Variants in ACTR3C observed in about 807,000 individuals in gnomAD.
ACTR3C encodes actin related protein 3C.
In ACTR3C, 18 loss-of-function variants were observed where a neutral mutation model predicts 26.3. The observed-to-expected ratio is 0.68, with a 90% CI of 0.47 to 1.01. ACTR3C has a LOEUF of 1.01. ACTR3C is among the 50% of genes least tolerant of loss of function. ACTR3C has a pLI of 0.00. For synonymous variants in ACTR3C, 55 were observed against 94.5 expected, an observed-to-expected ratio of 0.58 and a Z score of 2.42; for missense variants, 184 against 250.7, an observed-to-expected ratio of 0.73 and a Z score of 1.80.
intron 1 of ACTR3C, chr7:150,303,082 G>C (rs1229407087): frequency 6.6e-6 from 1 of 152,224 alleles, no homozygotes; most frequent in Non-Finnish European, 1.5e-5. Context: ...ACTGATCTAT[G>C]ATGGGAAATG....
At chr7:150,071,856 C>T in the ACTR3C span, among the ~76,000 whole-genome samples, 4 of 149,836 alleles carry the variant, frequency 2.7e-5, no homozygotes, top group Non-Finnish European at 6.0e-5. Flanking sequence ...TGGATGCAGA[C>T]GAGGGAGTTA....
In ACTR3C at chr7:150,286,451, A is replaced by G. The variant is rs767502283; in HGVS notation, c.387T>C (p.Gly129=). The G allele has an allele frequency of 1.4e-5, 22 of 1,613,066 alleles. No homozygotes were observed. Among genetic ancestry groups the G allele is most frequent in the Non-Finnish European group, 1.5e-5 (18 of 1,179,956 alleles). ...ACTTCTTCTGGTTGATCGCATTGATACCCGTGTACTGTTTGATCCACTTCT... is the reference window on the plus strand; with the variant it reads ...ACTTCTTCTGGTTGATCGCATTGATGCCCGTGTACTGTTTGATCCACTTCT... ...DPQKWIKQYT[G]INAINQKKFV... is the part of the protein sequence containing the mutation. Residue 129 remains glycine, a synonymous_variant, in exon 5 of 8, where the codon GGT becomes GGC. Transcript: ENST00000683684.
At chr7:150,049,119 C>T in the ACTR3C span, among the ~76,000 whole-genome samples, 79 of 152,046 alleles carry the variant, frequency 5.2e-4, no homozygotes, top group Non-Finnish European at 1.0e-3. Context: ...TCCTGCCCAG[C>T]CGCAGGAAGG....
chr7:150,050,561 G>C, the ACTR3C span, among the ~76,000 whole-genome samples: 1 of 152,152 alleles, frequency 6.6e-6, no homozygotes, highest in Non-Finnish European at 1.5e-5. Context: ...ATAAAAATTT[G>C]TGCTGGGAAG....
At chr7:150,112,878 C>T in the ACTR3C span, among the ~76,000 whole-genome samples, 95 of 152,258 alleles carry the variant, frequency 6.2e-4, no homozygotes, top group Non-Finnish European at 1.2e-3. Flanking sequence ...TCCAAGCTGA[C>T]CAATTCCATA....
the ACTR3C span, among the ~76,000 whole-genome samples, chr7:150,199,725 C>CAAAAAAAAAAAAAA: frequency 1.2e-5 from 1 of 86,086 alleles, no homozygotes; most frequent in African/African-American, 4.9e-5. Flanking sequence ...ATATTTTTAT[C>CAAAAAAAAAAAAAA]AAAAAAAAAA....
At chr7:150,076,667 G>C in the ACTR3C span, 5 of 152,174 alleles carry the variant, frequency 3.3e-5, no homozygotes, top group Non-Finnish European at 7.3e-5. Flanking sequence ...AAAGGTCATA[G>C]GTAAGTATTT....
At chr7:150,077,156 A>G in the ACTR3C span, among the ~76,000 whole-genome samples, 1 of 132,278 alleles carries the variant, frequency 7.6e-6, no homozygotes, top group African/African-American at 2.5e-5. Flanking sequence ...CAAGAGTGAA[A>G]CTCTGTCAAA....
At chr7:150,053,796 G>C in the ACTR3C span, among the ~76,000 whole-genome samples, 1 of 152,214 alleles carries the variant, frequency 6.6e-6, no homozygotes, top group East Asian at 1.9e-4. Flanking sequence ...TGGAAAACTT[G>C]ACTTCACTAA....
At chr7:150,041,146 C>T in the ACTR3C span, among the ~76,000 whole-genome samples, 1 of 150,466 alleles carries the variant, frequency 6.6e-6, no homozygotes, top group African/African-American at 2.5e-5. Context: ...AGAAGATTTT[C>T]TTGTAACTCA....
At chr7:150,146,000 T>A in the ACTR3C span, among the ~76,000 whole-genome samples, 1 of 151,570 alleles carries the variant, frequency 6.6e-6, no homozygotes, top group Non-Finnish European at 1.5e-5. Flanking sequence ...TAATAAAAGT[T>A]ATGAAAAAAT....
At chr7:150,138,306 G>A in the ACTR3C span, among the ~76,000 whole-genome samples, 2 of 152,246 alleles carry the variant, frequency 1.3e-5, no homozygotes, top group South Asian at 4.2e-4. Context: ...TTGCAGAGAA[G>A]GCAAGGAAGG....
the ACTR3C span, among the ~76,000 whole-genome samples, chr7:149,953,642 C>T: frequency 5.9e-3 from 902 of 152,292 alleles, 9 homozygotes; most frequent in African/African-American, 0.02. Flanking sequence ...TCTGGCAATC[C>T]GCAAAACACT....
chr7:150,165,069 C>G, the ACTR3C span, among the ~76,000 whole-genome samples: 1 of 152,276 alleles, frequency 6.6e-6, no homozygotes, highest in Admixed American at 6.5e-5. Context: ...TTTAGGTGTG[C>G]CGCACTCCGA....
intron 1 of ACTR3C, among the ~76,000 whole-genome samples, chr7:150,316,667 G>A (rs1289396935): frequency 6.6e-6 from 1 of 152,020 alleles, no homozygotes; most frequent in Non-Finnish European, 1.5e-5. Context: ...TGTATTTTTA[G>A]TAGAGACGGG....
At chr7:150,174,944 A>G in the ACTR3C span, among the ~76,000 whole-genome samples, 2 of 145,432 alleles carry the variant, frequency 1.4e-5, no homozygotes, top group African/African-American at 5.7e-5. Flanking sequence ...AGTAGATTCA[A>G]CCTAATTCCC....
chr7:150,312,332 C>T (rs780669282), intron 1 of ACTR3C, among the ~76,000 whole-genome samples: 165 of 152,212 alleles, frequency 1.1e-3, no homozygotes, highest in Non-Finnish European at 2.0e-3. Flanking sequence ...ATCTCTCCTG[C>T]GTAGGCTCTG....
the ACTR3C span, among the ~76,000 whole-genome samples, chr7:150,026,334 C>T: frequency 0.99 from 150,288 of 152,126 alleles, 74,268 homozygotes; most frequent in East Asian, 1. Context: ...CATGATAAGC[C>T]ACTATTTTAT....
At chr7:150,238,780 A>G in the ACTR3C span, among the ~76,000 whole-genome samples, 1 of 149,080 alleles carries the variant, frequency 6.7e-6, no homozygotes, top group Non-Finnish European at 1.5e-5. Context: ...TCCTTCCCTA[A>G]TGTTTTTTTC....
Sources: gnomAD v4.1 joint callset for allele counts (sites outside exome capture counted in the v4.1 genomes callset) on GRCh38, gnomAD v4.1.1 for gene constraint, MANE v1.5 for transcripts, NCBI Gene and HGNC (gene_info 2026-07-23, HGNC 2026-07-21) for gene names.